The following COL24A1 variants were observed in gnomAD, a reference collection of about 807,000 sequenced individuals.
COL24A1 encodes the protein collagen alpha-1(XXIV) chain.
In COL24A1, 224 loss-of-function variants were observed where a neutral mutation model predicts 253.9. The observed-to-expected ratio is 0.88, with a 90% CI of 0.79 to 0.99. The LOEUF (loss-of-function observed/expected upper bound fraction) is 0.99, where lower values mean the gene tolerates loss of function less well. COL24A1 is among the 50% of genes least tolerant of loss of function. COL24A1 has a pLI of 0.00. For synonymous variants in COL24A1, 685 were observed against 673.7 expected, an observed-to-expected ratio of 1.02 and a Z score of -0.26; for missense variants, 2,131 against 2,068.5, an observed-to-expected ratio of 1.03 and a Z score of -0.59.
chr1:86,029,269 G>A (rs1474574644), intron 14 of COL24A1, among the ~76,000 whole-genome samples: 2 of 152,116 alleles, frequency 1.3e-5, no homozygotes, highest in Non-Finnish European at 2.9e-5. Flanking sequence ...ACGAAATTCT[G>A]GACTCTGGAT....
intron 24 of COL24A1, among the ~76,000 whole-genome samples, chr1:85,958,609 A>G (rs1399285058): frequency 6.6e-6 from 1 of 152,140 alleles, no homozygotes; most frequent in East Asian, 1.9e-4. Context: ...ATTCTATTAA[A>G]ATATTCTTGC....
chr1:86,036,333 C>G (rs1056536806), intron 12 of COL24A1, among the ~76,000 whole-genome samples: 20 of 152,028 alleles, frequency 1.3e-4, no homozygotes, highest in African/African-American at 4.6e-4. Context: ...TTAAACATTT[C>G]ATTTTAATTC....
intron 28 of COL24A1, among the ~76,000 whole-genome samples, chr1:85,903,677 A>G (rs1374607486): frequency 6.6e-6 from 1 of 152,188 alleles, no homozygotes; most frequent in Non-Finnish European, 1.5e-5. Context: ...TAGCTTAGCT[A>G]CATAAACTAA....
chr1:85,956,484 A>G (rs1338711233), intron 24 of COL24A1, among the ~76,000 whole-genome samples: 1 of 152,248 alleles, frequency 6.6e-6, no homozygotes, highest in Non-Finnish European at 1.5e-5. Flanking sequence ...AAAAACAGAG[A>G]GGACACAGTA....
chr1:86,046,762 T>C, intron 12 of COL24A1, 63 bp downstream of exon 12: 1 of 1,570,864 alleles, frequency 6.4e-7, no homozygotes, highest in Middle Eastern at 1.7e-4. Flanking sequence ...TTTTAATAAG[T>C]AAGAACACAT....
intron 19 of COL24A1, among the ~76,000 whole-genome samples, chr1:86,002,370 G>T (rs1038657764): frequency 6.6e-6 from 1 of 152,198 alleles, no homozygotes; most frequent in Non-Finnish European, 1.5e-5. Context: ...CAGCTGCTTT[G>T]TCAGATGTAG....
chr1:85,850,947 T>C (rs1677692764), intron 37 of COL24A1, among the ~76,000 whole-genome samples: 1 of 151,560 alleles, frequency 6.6e-6, no homozygotes, highest in East Asian at 1.9e-4. Context: ...TTTACCTACA[T>C]CTACTTTAAG....
intron 47 of COL24A1, among the ~76,000 whole-genome samples, chr1:85,794,754 A>G (rs546422271): frequency 5.2e-4 from 79 of 150,684 alleles, no homozygotes; most frequent in African/African-American, 1.9e-3. Flanking sequence ...TAAATTTTAA[A>G]AAGTAAATAT....
rs1368255685 is a variant in COL24A1, at chr1:85,734,766, G to A, written c.4981C>T (p.Leu1661Phe). ...KVNTLLEPKVLSDDCKIQDGS... is the reference protein window; with the variant it reads ...KVNTLLEPKVFSDDCKIQDGS... ...TTCCTTACCTTGCAGTCATCTGAAA[G>A]CACTTTAGGTTCAAGTAGAGTGTTT... The change falls in exon 59 of 60, where the codon CTT becomes TTT. Residue 1661 changes from leucine (L) to phenylalanine (F), a missense_variant. By Grantham distance (22) the Leu-to-Phe change is conservative (BLOSUM62 0). Transcript: ENST00000370571. 4 of 1,614,032 alleles carry A rather than the reference G, an allele frequency of 2.5e-6. No individual in the cohort carries two copies. Among genetic ancestry groups the A allele is most frequent in the Admixed American group, 1.7e-5 (1 of 60,016 alleles).
At chr1:85,758,943 T>C (rs1203392922) in intron 55 of COL24A1, among the ~76,000 whole-genome samples, 2 of 151,952 alleles carry the variant, frequency 1.3e-5, no homozygotes, top group Non-Finnish European at 2.9e-5. Context: ...TTTCAGAGCA[T>C]TTTAATCACC....
At chr1:85,863,317 C>T (rs1485944112) in intron 37 of COL24A1, among the ~76,000 whole-genome samples, 14 of 152,132 alleles carry the variant, frequency 9.2e-5, no homozygotes, top group Admixed American at 2.6e-4. Context: ...TTTCTTTCTC[C>T]TGCCTGATTG....
intron 24 of COL24A1, among the ~76,000 whole-genome samples, chr1:85,944,994 A>C (rs1571319234): frequency 1.7e-5 from 1 of 58,916 alleles, no homozygotes; most frequent in African/African-American, 5.6e-5. Flanking sequence ...AATCCAGTCT[A>C]TCATTGTGTT....
chr1:85,933,630 T>C (rs886771453), intron 24 of COL24A1, among the ~76,000 whole-genome samples: 4 of 152,148 alleles, frequency 2.6e-5, no homozygotes, highest in African/African-American at 7.2e-5. Context: ...CTTATTCTCA[T>C]TTTTTTCCAT....
At chr1:85,899,918 T>G (rs909499121) in intron 28 of COL24A1, among the ~76,000 whole-genome samples, 2 of 152,184 alleles carry the variant, frequency 1.3e-5, no homozygotes, top group African/African-American at 2.4e-5. Flanking sequence ...GTACAAAGAC[T>G]GAACGACTGT....
intron 3 of COL24A1, among the ~76,000 whole-genome samples, chr1:86,122,399 A>G (rs966034188): frequency 6.6e-6 from 1 of 152,004 alleles, no homozygotes; most frequent in South Asian, 2.1e-4. Context: ...CCTATGCCAC[A>G]TTCCTCTCTT....
rs575777559 is a variant in COL24A1 at position 86,002,025 on chromosome 1, C to CT, written c.2311-14372dup. ...GGACCTAATCTTATTCACCTCTGCA[C>CT]TTTTTTTCTTAGTAATTGACATATA... is the stretch of plus-strand genomic sequence containing the variant. On this transcript the variant is annotated intron_variant, in intron 19 of 59. Transcript: ENST00000370571. Among the ~76,000 whole-genome samples the CT allele has an allele frequency of 1.3e-3, 204 of 152,272 alleles. 1 individual carries two copies. Among genetic ancestry groups the CT allele is most frequent in the African/African-American group, 4.6e-3 (192 of 41,554 alleles).
intron 12 of COL24A1, among the ~76,000 whole-genome samples, chr1:86,035,604 A>G (rs1359887435): frequency 6.6e-6 from 1 of 152,150 alleles, no homozygotes; most frequent in Admixed American, 6.6e-5. Context: ...CCTAATGAGT[A>G]CAGGATTTCT....
intron 37 of COL24A1, among the ~76,000 whole-genome samples, chr1:85,865,445 C>T (rs543386715): frequency 6.6e-6 from 1 of 152,216 alleles, no homozygotes; most frequent in African/African-American, 2.4e-5. Context: ...TAAAAAAAGG[C>T]ACCAAAGATG....
In COL24A1 at chr1:85,828,491, T is replaced by A. The variant is rs924327337; in HGVS notation, c.3682-4753A>T. On this transcript the variant is annotated intron_variant, in intron 43 of 59. Coordinates refer to ENST00000370571, the MANE Select transcript of COL24A1 (RefSeq NM_152890.7). The stretch of plus-strand genomic sequence containing the variant: ...CCTGGGTATCCTTGTTGACTTTCTG[T>A]CTCGTTGATCTGTCTAATGTTGACA... Among the ~76,000 whole-genome samples the A allele has an allele frequency of 3.9e-3, 588 of 151,430 alleles. 4 individuals carry two copies. Among genetic ancestry groups the A allele is most frequent in the African/African-American group, 0.014 (561 of 41,320 alleles).
Sources: allele counts gnomAD v4.1 joint callset (sites outside exome capture counted in the v4.1 genomes callset), GRCh38; gene constraint gnomAD v4.1.1; transcripts MANE v1.5; gene names NCBI Gene and HGNC (gene_info 2026-07-23, HGNC 2026-07-21).